The following ASPH variants were observed in gnomAD, a reference collection of about 807,000 sequenced individuals.
The protein encoded by ASPH is aspartyl/asparaginyl beta-hydroxylase.
A neutral mutation model predicts 118.4 loss-of-function variants in ASPH; 100 were observed. The observed-to-expected ratio is 0.84, with a 90% CI of 0.72 to 1.00. ASPH has a LOEUF of 1.00. Among genes scored for constraint, ASPH ranks in the 50% least tolerant of loss-of-function variants. The pLI is 0.00. For missense variants in ASPH, 920 were observed against 919.5 expected, an observed-to-expected ratio of 1.00 and a Z score of -0.01; for synonymous variants, 315 against 325.6, an observed-to-expected ratio of 0.97 and a Z score of 0.35.
chr8:61,676,087 T>C (rs1825172432), intron 3 of ASPH: 1 of 1,599,284 alleles, frequency 6.3e-7, no homozygotes, highest in Admixed American at 1.7e-5. Flanking sequence ...ACTGGTTATG[T>C]AAATCCAATA....
At chr8:61,557,929 T>A (rs1425931813) in intron 18 of ASPH, among the ~76,000 whole-genome samples, 1 of 152,234 alleles carries the variant, frequency 6.6e-6, no homozygotes, top group Admixed American at 6.5e-5. Context: ...ATCATAATTA[T>A]TACAGCTACA....
rs7016141 is a variant in ASPH at position 61,651,205 on chromosome 8, A to G, written c.416-81T>C. 0.82 allele frequency: 924,504 copies of G among 1,124,620 alleles called. 380,982 individuals are homozygous for G. Among genetic ancestry groups the G allele is most frequent in the African/African-American group, 0.88 (57,289 of 65,034 alleles). 69.7% of individuals were successfully genotyped at this position (1,124,620 alleles called of 1,614,324 possible). On this transcript the variant is annotated intron_variant, in intron 4 of 24. Coordinates refer to ENST00000379454, the MANE Select transcript of ASPH (RefSeq NM_004318.4). ...CCTAACACTCAAATATGACATTGGT[A>G]CATACACATTAAAATGAATATATTT...
intron 2 of ASPH, chr8:61,682,552 T>C: frequency 7.1e-7 from 1 of 1,399,786 alleles, no homozygotes; most frequent in Non-Finnish European, 1.0e-6. Context: ...AGTGTCCTCT[T>C]TTAAGATACA....
At chr8:61,651,883 A>G (rs747161922) in intron 4 of ASPH, among the ~76,000 whole-genome samples, 2 of 152,240 alleles carry the variant, frequency 1.3e-5, no homozygotes. Flanking sequence ...TCTAATAAAT[A>G]TAATCTATGT....
intron 5 of ASPH, among the ~76,000 whole-genome samples, chr8:61,647,754 T>C (rs182968316): frequency 1.1e-4 from 17 of 152,332 alleles, no homozygotes; most frequent in African/African-American, 3.6e-4. Context: ...ACCTGAATCA[T>C]ACTATGCATT....
chr8:61,629,205 T>C (rs1197002964), intron 13 of ASPH, among the ~76,000 whole-genome samples: 2 of 152,342 alleles, frequency 1.3e-5, no homozygotes, highest in East Asian at 3.9e-4. Flanking sequence ...CTCACATACC[T>C]GCATTCTGAA....
At chr8:61,599,770 A>C (rs1332736901) in intron 14 of ASPH, among the ~76,000 whole-genome samples, 2 of 152,172 alleles carry the variant, frequency 1.3e-5, no homozygotes, top group East Asian at 3.9e-4. Context: ...AGACTGAATC[A>C]GAAATCTCCC....
At chr8:61,542,790 G>C (rs1212523765) in intron 21 of ASPH, among the ~76,000 whole-genome samples, 3 of 151,924 alleles carry the variant, frequency 2.0e-5, no homozygotes, top group Non-Finnish European at 4.4e-5. Flanking sequence ...AGAAATATTG[G>C]CTAGCATTAA....
intron 14 of ASPH, among the ~76,000 whole-genome samples, chr8:61,606,306 G>T (rs1384116098): frequency 6.6e-6 from 1 of 152,182 alleles, no homozygotes; most frequent in African/African-American, 2.4e-5. Flanking sequence ...TCACTACTAT[G>T]ATGATATAAA....
intron 24 of ASPH, among the ~76,000 whole-genome samples, chr8:61,508,731 C>A (rs900063740): frequency 6.6e-6 from 1 of 152,186 alleles, no homozygotes. Context: ...TACAGCCCAA[C>A]ACATTGACTT....
chr8:61,579,126 A>T (rs376477425), intron 15 of ASPH: 3 of 1,611,532 alleles, frequency 1.9e-6, no homozygotes, highest in Non-Finnish European at 2.5e-6. Context: ...CCTGTGGCGC[A>T]CAAAGACTGA....
intron 3 of ASPH, among the ~76,000 whole-genome samples, chr8:61,674,511 T>C (rs1824269885): frequency 6.6e-6 from 1 of 152,186 alleles, no homozygotes; most frequent in African/African-American, 2.4e-5. Context: ...TTAATAGTCA[T>C]TTAAACTTTA....
intron 3 of ASPH, among the ~76,000 whole-genome samples, chr8:61,667,317 G>A (rs1178400690): frequency 6.6e-6 from 1 of 152,132 alleles, no homozygotes; most frequent in Non-Finnish European, 1.5e-5. Flanking sequence ...AAGTCAGGCT[G>A]TAATACTGAG....
At chr8:61,658,261 T>A (rs1311655137) in intron 3 of ASPH, 1 of 152,204 alleles carries the variant, frequency 6.6e-6, no homozygotes, top group Non-Finnish European at 1.5e-5. Flanking sequence ...CCCCATGATA[T>A]GCAGTAAGAG....
At chr8:61,694,973 C>A (rs1290630973) in intron 1 of ASPH, among the ~76,000 whole-genome samples, 2 of 152,216 alleles carry the variant, frequency 1.3e-5, no homozygotes, top group African/African-American at 4.8e-5. Flanking sequence ...AAACTCACCT[C>A]TCAAAATTGA....
intron 15 of ASPH, chr8:61,579,218 C>G: frequency 1.9e-6 from 3 of 1,613,466 alleles, no homozygotes; most frequent in Non-Finnish European, 2.5e-6. Flanking sequence ...CCCTGGAGGC[C>G]GCCATTGCAG....
chr8:61,609,345 A>C (rs931863952), intron 14 of ASPH, among the ~76,000 whole-genome samples: 1 of 151,204 alleles, frequency 6.6e-6, no homozygotes, highest in African/African-American at 2.4e-5. Flanking sequence ...CGTATTTCTG[A>C]GACAGATTTG....
At chr8:61,521,345 A>G (rs910503184) in intron 22 of ASPH, among the ~76,000 whole-genome samples, 1 of 152,140 alleles carries the variant, frequency 6.6e-6, no homozygotes, top group Non-Finnish European at 1.5e-5. Context: ...TATTACTATC[A>G]TATATTGGAT....
intron 3 of ASPH, among the ~76,000 whole-genome samples, chr8:61,670,846 A>G (rs141615624): frequency 6.6e-6 from 1 of 152,090 alleles, no homozygotes; most frequent in African/African-American, 2.4e-5. Context: ...GAGAGAAGAA[A>G]ATAATGGAAT....
Sources: allele counts gnomAD v4.1 joint callset (sites outside exome capture counted in the v4.1 genomes callset), GRCh38; gene constraint gnomAD v4.1.1; transcripts MANE v1.5; gene names NCBI Gene and HGNC (gene_info 2026-07-23, HGNC 2026-07-21).